Variants in UNKL observed in about 807,000 individuals in gnomAD.
The protein encoded by UNKL is putative E3 ubiquitin-protein ligase UNKL.
Under a neutral mutation model 78.0 loss-of-function variants are expected in UNKL, and 60 were observed. The ratio of observed to expected loss-of-function variants is 0.77; its 90% CI spans 0.63 to 0.95. The LOEUF is 0.95. UNKL is among the 40% of genes least tolerant of loss of function. The pLI, the probability that UNKL is intolerant of heterozygous loss-of-function variation, is 0.00. For synonymous variants in UNKL, 608 were observed against 474.8 expected (o/e 1.28, Z -3.65); for missense variants, 1,159 against 1,045.7 (o/e 1.11, Z -1.49).
At position 1,367,200 on chromosome 16, in the gene UNKL, G is replaced by A. The variant is rs763525091; in HGVS notation, c.1938C>T (p.Ala646=). 6 of 1,605,702 alleles carry A rather than the reference G, an allele frequency of 3.7e-6. No individual in the cohort carries two copies. The highest frequency in any genetic ancestry group is 2.7e-5 in the African/African-American group (2 of 74,796). The change falls in exon 14 of 15, where the codon GCC becomes GCT. Residue 646 remains alanine (A), a synonymous_variant. Transcript: ENST00000389221. Reference sequence around the variant, plus strand: ...AGCCCCGCAGCCCCGGCAGTGTGGAGGCTACGCCCAGGCCCTCCAGCTCCT... The same window carrying A: ...AGCCCCGCAGCCCCGGCAGTGTGGAAGCTACGCCCAGGCCCTCCAGCTCCT... The part of the protein sequence containing the change: ...LQEELEGLGV[A]STLPGLRGCG...
intron 2 of UNKL, chr16:1,406,001 G>A (rs1290270999): frequency 2.2e-6 from 1 of 456,592 alleles, no homozygotes; most frequent in African/African-American, 2.0e-5. Context: ...TGGCCCATGT[G>A]GTCCCCCCAG....
intron 10 of UNKL, among the ~76,000 whole-genome samples, chr16:1,372,073 G>T (rs192081250): frequency 6.9e-6 from 1 of 144,684 alleles, no homozygotes; most frequent in Non-Finnish European, 1.5e-5. Context: ...TGGCTAACAC[G>T]GTGAAACCCC....
chr16:1,395,356 C>CA (rs1055281158), intron 6 of UNKL, among the ~76,000 whole-genome samples: 1 of 150,046 alleles, frequency 6.7e-6, no homozygotes, highest in African/African-American at 2.5e-5. Flanking sequence ...TTAGTAGAGA[C>CA]GGGTTCACCA....
chr16:1,366,422 C>G (rs759546432), intron 14 of UNKL, 27 bp from the exon 15 acceptor site: 11 of 1,550,968 alleles, frequency 7.1e-6, no homozygotes, highest in Non-Finnish European at 9.6e-6. Flanking sequence ...ATGACGGGCT[C>G]AGGAGGCCCC....
At chr16:1,367,029 C>CCAGACAGGGACAGCAGCCCTG in intron 14 of UNKL, 63 bp downstream of exon 14, 1 of 1,461,066 alleles carries the variant, frequency 6.8e-7, no homozygotes, top group Non-Finnish European at 9.0e-7. Context: ...AGGGCCCTCC[C>CCAGACAGGGACAGCAGCCCTG]CAGACAGGGA....
intron 10 of UNKL, among the ~76,000 whole-genome samples, chr16:1,374,874 G>A (rs960823962): frequency 1.3e-5 from 2 of 152,250 alleles, no homozygotes; most frequent in Admixed American, 6.5e-5. Context: ...GGCCTTTCCA[G>A]ACATTTTCAG....
At chr16:1,404,933 T>C (rs940823937) in intron 2 of UNKL, among the ~76,000 whole-genome samples, 6 of 152,014 alleles carry the variant, frequency 3.9e-5, no homozygotes, top group Admixed American at 6.6e-5. Context: ...CTGGCTGACA[T>C]CTGTAATCCC....
intron 7 of UNKL, among the ~76,000 whole-genome samples, 174 bp downstream of exon 7, chr16:1,393,957 C>A (rs1351665322): frequency 2.0e-5 from 3 of 152,238 alleles, no homozygotes; most frequent in East Asian, 3.9e-4. Flanking sequence ...GGCACAAACA[C>A]CCCAGGGAGC....
At chr16:1,375,285 G>C (rs968979418) in intron 10 of UNKL, among the ~76,000 whole-genome samples, 1 of 152,214 alleles carries the variant, frequency 6.6e-6, no homozygotes, top group Non-Finnish European at 1.5e-5. Context: ...TGTGGAGACC[G>C]TGCTCCACCA....
At chr16:1,411,059 A>C (rs906886770) in intron 2 of UNKL, among the ~76,000 whole-genome samples, 1 of 152,098 alleles carries the variant, frequency 6.6e-6, no homozygotes, top group Non-Finnish European at 1.5e-5. Flanking sequence ...CAAAAAAATT[A>C]AAAATGAGCC....
chr16:1,375,162 G>A (rs755126834), intron 10 of UNKL, among the ~76,000 whole-genome samples: 2 of 152,218 alleles, frequency 1.3e-5, no homozygotes, highest in Non-Finnish European at 1.5e-5. Flanking sequence ...TCCTCGTGCC[G>A]CGGTGGTGGC....
chr16:1,398,116 C>T (rs144303605), intron 5 of UNKL, among the ~76,000 whole-genome samples: 163 of 152,308 alleles, frequency 1.1e-3, no homozygotes, highest in Non-Finnish European at 1.6e-3. Flanking sequence ...CCAGACAGCA[C>T]GGGGCTGTCT....
Position 1,399,152 on chromosome 16 carries a change from GA to G in UNKL, c.734+221del. 1.8e-6 allele frequency: 2 copies of G among 1,110,790 alleles called. No homozygotes were observed. The highest frequency in any genetic ancestry group is 1.2e-6 in the Non-Finnish European group (1 of 807,020). The allele number at this position is 1,110,790 out of a possible 1,614,324, so 68.8% of individuals were successfully genotyped here. On this transcript the variant is annotated intron_variant, in intron 5 of 14. Transcript: ENST00000389221. This position sits in a 1 kb window ranked among gnomAD's most constrained non-coding sequence, Gnocchi z 5.8. ...GGGGCCCCGGTAGGGGACTGCATGG[GA>G]GACACTGAGCGTAGGTGGGGAGGCC...
chr16:1,399,289 G>C lies in UNKL; in HGVS notation c.734+85C>G. 2 of 1,438,886 alleles carry C rather than the reference G, an allele frequency of 1.4e-6. No homozygotes were observed. Among genetic ancestry groups the C allele is most frequent in the Non-Finnish European group, 1.8e-6 (2 of 1,097,898 alleles). 89.1% of individuals were successfully genotyped at this position (1,438,886 alleles called of 1,614,324 possible). The stretch of plus-strand genomic sequence containing the variant: ...TGCCACAAGGGCAGCCCTCCCATTA[G>C]AACCCCGGGGTGGGCAACGCGAGCC... On this transcript the variant is annotated intron_variant, in intron 5 of 14. Coordinates refer to ENST00000389221, the MANE Select transcript of UNKL (RefSeq NM_001372107.1). This position sits in a 1 kb window ranked among gnomAD's most constrained non-coding sequence, Gnocchi z 5.8.
intron 13 of UNKL, 131 bp downstream of exon 13, chr16:1,367,525 C>A (rs1170563036): frequency 1.1e-5 from 10 of 934,036 alleles, no homozygotes; most frequent in African/African-American, 2.1e-5. Flanking sequence ...CCTCCCGTCT[C>A]ACCCCCCACA....
Position 1,376,065 on chromosome 16 carries a change from T to TTCCCTCC in UNKL, c.1265-4461_1265-4455dup, listed in dbSNP as rs2036192750. 7.5e-5 allele frequency among the ~76,000 whole-genome samples: 11 copies of TTCCCTCC among 146,754 alleles called. No individual in the cohort carries two copies. In the South Asian group the frequency reaches 2.4e-3, roughly 32 times the overall value. ...TGAGATCTGTGGCGGGCAGGGCCTC[T>TTCCCTCC]TCCCTCCTCCCTCCAGGGCTGGGGC... is the stretch of plus-strand genomic sequence containing the variant. On this transcript the variant is annotated intron_variant, in intron 10 of 14. Coordinates refer to ENST00000389221, the MANE Select transcript of UNKL (RefSeq NM_001372107.1).
At chr16:1,369,035 T>G (rs2035548496) in intron 12 of UNKL, among the ~76,000 whole-genome samples, 1 of 147,312 alleles carries the variant, frequency 6.8e-6, no homozygotes. Flanking sequence ...CTTGAGCCAC[T>G]ATGTTGGCCC....
chr16:1,403,733 T>C lies in UNKL; in HGVS notation c.288-389A>G, dbSNP rs1445279805. On this transcript the variant is annotated intron_variant, in intron 2 of 14. Coordinates refer to ENST00000389221, the MANE Select transcript of UNKL (RefSeq NM_001372107.1). This position sits in a 1 kb window ranked among gnomAD's most constrained non-coding sequence, Gnocchi z 4.8. Reference sequence around the variant, plus strand: ...TGCCCTGCACGCAGGCTGCGTCACCTTCCTTACCCGTCGCAGTCACAAAGT... The same window carrying C: ...TGCCCTGCACGCAGGCTGCGTCACCCTCCTTACCCGTCGCAGTCACAAAGT... Among the ~76,000 whole-genome samples, 2 of 152,192 alleles carry C rather than the reference T, an allele frequency of 1.3e-5. No individual in the cohort carries two copies. Among genetic ancestry groups the C allele is most frequent in the East Asian group, 3.9e-4 (2 of 5,194 alleles).
intron 10 of UNKL, chr16:1,384,022 G>A (rs1017646187): frequency 1.0e-5 from 2 of 193,448 alleles, no homozygotes; most frequent in Admixed American, 4.9e-5. Context: ...CCCAGCCCAG[G>A]GACAGAGAAC....
Sources: gnomAD v4.1 joint callset for allele counts (sites outside exome capture counted in the v4.1 genomes callset) on GRCh38, gnomAD v4.1.1 for gene constraint, Gnocchi (gnomAD v3.1) non-coding constraint, MANE v1.5 for transcripts, NCBI Gene and HGNC (gene_info 2026-07-23, HGNC 2026-07-21) for gene names.